The following APC variants were observed in gnomAD, a reference collection of about 807,000 sequenced individuals.
APC encodes APC regulator of Wnt signaling pathway.
In APC, 72 loss-of-function variants were observed where a neutral mutation model predicts 247.0. The observed-to-expected ratio is 0.29, with a 90% CI of 0.24 to 0.35. The LOEUF (loss-of-function observed/expected upper bound fraction) is 0.35. APC is among the 10% of genes least tolerant of loss of function. APC has a pLI of 1.00. For missense variants in APC, 3,400 were observed against 3,360.7 expected (o/e 1.01, Z -0.29); for synonymous variants, 1,254 against 1,162.5 (o/e 1.08, Z -1.60).
chr5:112,836,373 T>G (rs1445720130), intron 15 of APC, among the ~76,000 whole-genome samples: 2 of 152,110 alleles, frequency 1.3e-5, no homozygotes, highest in Non-Finnish European at 2.9e-5. Context: ...TTTTTAAGTC[T>G]GTGATGCAGA....
At chr5:112,824,576 C>G (rs778726960) in intron 11 of APC, among the ~76,000 whole-genome samples, 6 of 152,138 alleles carry the variant, frequency 3.9e-5, no homozygotes, top group Non-Finnish European at 5.9e-5. Context: ...GTACTCAACT[C>G]TTTGATCATG....
intron 1 of APC, among the ~76,000 whole-genome samples, chr5:112,746,091 A>T (rs971037790): frequency 6.6e-6 from 1 of 152,158 alleles, no homozygotes; most frequent in African/African-American, 2.4e-5. Flanking sequence ...GAATTTTTAA[A>T]TGACAGAATA....
At chr5:112,800,517 C>T (rs1483610846) in intron 7 of APC, among the ~76,000 whole-genome samples, 1 of 152,046 alleles carries the variant, frequency 6.6e-6, no homozygotes, top group African/African-American at 2.4e-5. Flanking sequence ...ATTTAATTAT[C>T]CACTGTTAGG....
intron 1 of APC, among the ~76,000 whole-genome samples, chr5:112,748,838 G>C (rs1001807566): frequency 1.3e-5 from 2 of 151,952 alleles, no homozygotes; most frequent in African/African-American, 4.8e-5. Flanking sequence ...AAAGAATGAG[G>C]TTTACAAAAT....
At chr5:112,822,669 G>A (rs774072874) in intron 11 of APC, among the ~76,000 whole-genome samples, 13 of 152,006 alleles carry the variant, frequency 8.6e-5, no homozygotes, top group Admixed American at 2.0e-4. Context: ...TTTATAAATT[G>A]CATCATGCTG....
intron 1 of APC, among the ~76,000 whole-genome samples, chr5:112,716,224 C>T (rs1751162744): frequency 6.6e-6 from 1 of 151,986 alleles, no homozygotes; most frequent in Non-Finnish European, 1.5e-5. Context: ...CCTCTAAGCG[C>T]CATTTTAGCT....
intron 2 of APC, among the ~76,000 whole-genome samples, chr5:112,761,620 A>G (rs192356794): frequency 6.6e-6 from 1 of 152,308 alleles, no homozygotes; most frequent in African/African-American, 2.4e-5. Context: ...TGGAAAAAAC[A>G]AAAAAGACAA....
rs59050067 is a variant in APC, at chr5:112,836,165, T to TCCCCCCCCCCCCCCCC, written c.1958+1014_1958+1015insCCCCCCCCCCCCCCCC. ...CCTCCCGAGTAGCTGGGATTACAGG[T>TCCCCCCCCCCCCCCCC]CCCCCCCCCCCCCCGCCACCGTGCC... On this transcript the variant is annotated intron_variant, in intron 15 of 15. Coordinates refer to ENST00000257430, the MANE Select transcript of APC (RefSeq NM_000038.6). Among the ~76,000 whole-genome samples the TCCCCCCCCCCCCCCCC allele has an allele frequency of 4.1e-4, 10 of 24,490 alleles. 1 individual carries two copies. Among genetic ancestry groups the TCCCCCCCCCCCCCCCC allele is most frequent in the African/African-American group, 5.2e-4 (5 of 9,574 alleles). 16.1% of individuals were successfully genotyped at this position (24,490 alleles called of 152,430 possible).
At chr5:112,724,773 C>G (rs1342680288) in intron 1 of APC, among the ~76,000 whole-genome samples, 1 of 152,020 alleles carries the variant, frequency 6.6e-6, no homozygotes, top group Non-Finnish European at 1.5e-5. Context: ...GTGGTGAGTG[C>G]ACAGAATTCC....
intron 6 of APC, among the ~76,000 whole-genome samples, chr5:112,784,710 A>G (rs1317868117): frequency 6.6e-6 from 1 of 152,206 alleles, no homozygotes; most frequent in East Asian, 1.9e-4. Flanking sequence ...GTCTGAGGCT[A>G]TGAGAAAAAA....
chr5:112,829,178 G>T, intron 14 of APC: 1 of 452,350 alleles, frequency 2.2e-6, no homozygotes, highest in Non-Finnish European at 4.1e-6. Context: ...TCTTTCTCTC[G>T]CCCAGGCTGG....
rs760999992 is a variant in APC at position 112,839,255 on chromosome 5, C to T, written c.3661C>T (p.Pro1221Ser). The change falls in exon 16 of 16, where the codon CCT becomes TCT. Residue 1221 changes from proline to serine, a missense_variant. Physicochemically the swap from Pro to Ser is moderately conservative, Grantham distance 74 (BLOSUM62 -1). Around this residue, in one of 9 missense-constraint regions of APC, gnomAD observed 715 missense variants for 656.6 expected, o/e 1.09. Coordinates refer to ENST00000257430, the MANE Select transcript of APC (RefSeq NM_000038.6). The surrounding 1 kb of genome is among the most constrained non-coding windows in gnomAD (Gnocchi z 5.0). ...TTCAAGCAGTGAGAATACGTCCACA[C>T]CTTCATCTAATGCCAAGAGGCAGAA... ...MSSSSENTST[P>S]SSNAKRQNQL... 1.1e-5 allele frequency: 18 copies of T among 1,614,172 alleles called. No individual in the cohort carries two copies. Among genetic ancestry groups the T allele is most frequent in the South Asian group, 8.8e-5 (8 of 91,088 alleles).
rs587778038 is a variant in APC at position 112,838,646 on chromosome 5, G to T, written c.3052G>T (p.Asp1018Tyr). The change falls in exon 16 of 16, where the codon GAT (aspartate) becomes TAT (tyrosine). Residue 1018 changes from aspartate to tyrosine, a missense_variant. Physicochemically the swap from Asp to Tyr is radical, Grantham distance 160. This residue lies in a region of APC where 715 missense variants were observed against 656.6 expected (regional missense o/e 1.09). Coordinates refer to ENST00000257430, the MANE Select transcript of APC (RefSeq NM_000038.6). ...TAGTGCAAATCATATGGATGATAATGATGGAGAACTAGATACACCAATAAA... is the reference window on the plus strand; with the variant it reads ...TAGTGCAAATCATATGGATGATAATTATGGAGAACTAGATACACCAATAAA... ...IHSANHMDDN[D>Y]GELDTPINYS... 6.2e-7 allele frequency: 1 copy of T among 1,614,172 alleles called. No individual in the cohort carries two copies. The highest frequency in any genetic ancestry group is 8.5e-7 in the Non-Finnish European group (1 of 1,180,022).
rs763084939 is a variant in APC at position 112,792,960 on chromosome 5, C to T, written c.729+431C>T. Among the ~76,000 whole-genome samples, 3 of 152,090 alleles carry T rather than the reference C, an allele frequency of 2.0e-5. No homozygotes were observed. The East Asian group carries it at 5.8e-4, about 29-fold the overall frequency. ...CAGGGAAGGTGACCACAGTAAAATC[C>T]GTGGAGCTGGAAAGCAGGTAAACAA... On this transcript the variant is annotated intron_variant, in intron 7 of 15. Coordinates refer to ENST00000257430, the MANE Select transcript of APC (RefSeq NM_000038.6).
At chr5:112,758,343 G>A (rs1269278861) in intron 2 of APC, among the ~76,000 whole-genome samples, 2 of 149,248 alleles carry the variant, frequency 1.3e-5, no homozygotes, top group Admixed American at 1.4e-4. Context: ...TTTTTGTTTT[G>A]AGACGAAGTC....
At chr5:112,797,170 AAT>A in intron 7 of APC, among the ~76,000 whole-genome samples, 1 of 152,294 alleles carries the variant, frequency 6.6e-6, no homozygotes, top group Admixed American at 6.5e-5. Context: ...TTGTTATGAT[AAT>A]AGTTACATCA....
chr5:112,737,798 C>T, upstream of APC: 1 of 973,124 alleles, frequency 1.0e-6, no homozygotes, highest in African/African-American at 1.7e-5. Context: ...AGGGCGCTCC[C>T]CATTCCCGTC....
At chr5:112,767,010 T>G (rs1756409155) in intron 3 of APC, among the ~76,000 whole-genome samples, 179 bp from the exon 4 acceptor site, 1 of 152,212 alleles carries the variant, frequency 6.6e-6, no homozygotes, top group African/African-American at 2.4e-5. Flanking sequence ...CACTCCTTAT[T>G]TTTACCCTGA....
rs769608546 is a variant in APC at position 112,838,899 on chromosome 5, A to G, written c.3305A>G (p.Tyr1102Cys). The G allele has an allele frequency of 1.2e-6, 2 of 1,614,044 alleles. No individual in the cohort carries two copies. Among genetic ancestry groups the G allele is most frequent in the African/African-American group, 1.3e-5 (1 of 74,940 alleles). Residue 1102 changes from tyrosine (Y) to cysteine (C), a missense_variant, in exon 16 of 16, where the codon TAC (tyrosine) becomes TGC (cysteine). Physicochemically the swap from Tyr to Cys is radical, Grantham distance 194 (BLOSUM62 -2). Coordinates refer to ENST00000257430, the MANE Select transcript of APC (RefSeq NM_000038.6). ...GGACAGCAGGAATGTGTTTCTCCAT[A>G]CAGGTCACGGGGAGCCAATGGTTCA... ...HFGQQECVSP[Y>C]RSRGANGSET...
Sources: gnomAD v4.1 joint callset for allele counts (sites outside exome capture counted in the v4.1 genomes callset) on GRCh38, gnomAD v4.1.1 for gene constraint, gnomAD v4.1.1 regional missense constraint, Gnocchi (gnomAD v3.1) non-coding constraint, MANE v1.5 for transcripts, NCBI Gene and HGNC (gene_info 2026-07-23, HGNC 2026-07-21) for gene names.